DNAH1: variants seen among roughly 807,000 people sequenced by gnomAD.
DNAH1 encodes the protein axonemal beta dynein heavy chain 1.
DNAH1 carries 327 observed loss-of-function variants against 484.3 expected under a neutral mutation model. The ratio of observed to expected loss-of-function variants is 0.68; its 90% CI spans 0.62 to 0.74. DNAH1 has a LOEUF of 0.74. DNAH1 is among the 30% of genes least tolerant of loss of function. DNAH1 has a pLI of 0.00. For missense variants in DNAH1, 5,052 were observed against 5,546.8 expected, an observed-to-expected ratio of 0.91 and a Z score of 2.83; for synonymous variants, 2,192 against 2,191.9, an observed-to-expected ratio of 1.00 and a Z score of 0.00.
Position 52,396,516 on chromosome 3 carries a change from A to T in DNAH1, c.11408A>T (p.Asp3803Val). 6.2e-7 allele frequency: 1 copy of T among 1,611,366 alleles called. No homozygotes were observed. The highest frequency in any genetic ancestry group is 8.5e-7 in the Non-Finnish European group (1 of 1,178,866). ...AAGTCCTATAGTAGCCTTGGTGAAG[A>T]CTTCCTCAACTCCTGCCACAAGGTG... ...LLKSYSSLGE[D>V]FLNSCHKVME... Residue 3803 changes from aspartate to valine, a missense_variant, in exon 71 of 78, where the codon GAC (aspartate) becomes GTC (valine). Physicochemically the swap from Asp to Val is radical, Grantham distance 152. This residue lies in a region of DNAH1 where 853 missense variants were observed against 899.0 expected (regional missense o/e 0.95). Coordinates refer to ENST00000420323, the MANE Select transcript of DNAH1 (RefSeq NM_015512.5).
At chr3:52,384,427 T>C (rs1368341781) in intron 52 of DNAH1, among the ~76,000 whole-genome samples, 1 of 152,086 alleles carries the variant, frequency 6.6e-6, no homozygotes, top group African/African-American at 2.4e-5. Flanking sequence ...TCCCCCTAGA[T>C]CCAGCCTCTG....
rs893097929 is a variant in DNAH1 at position 52,362,857 on chromosome 3, A to G, written c.5095-138A>G. 6 of 1,192,358 alleles carry G rather than the reference A, an allele frequency of 5.0e-6. No homozygotes were observed. The highest frequency in any genetic ancestry group is 1.5e-5 in the African/African-American group (1 of 67,000). The allele number at this position is 1,192,358 out of a possible 1,614,324, so 73.9% of individuals were successfully genotyped here. A position where few individuals can be genotyped will look rare whatever the true frequency, so the allele number is the denominator to read the frequency against. On this transcript the variant is annotated intron_variant, in intron 31 of 77. Transcript: ENST00000420323. This position sits in a 1 kb window ranked among gnomAD's most constrained non-coding sequence, Gnocchi z 5.1. ...CTCTAATGGCAGAGCTACCAGTCTC[A>G]GGGGAGTGAAAGCCTCAGCTGTGGC...
chr3:52,342,887 G>A (rs1169784563), intron 8 of DNAH1, among the ~76,000 whole-genome samples: 1 of 152,244 alleles, frequency 6.6e-6, no homozygotes, highest in South Asian at 2.1e-4. Context: ...GCAGATAGGT[G>A]TGAGGGTTCT....
intron 45 of DNAH1, 58 bp downstream of exon 45, chr3:52,375,471 C>T: frequency 6.4e-7 from 1 of 1,565,814 alleles, no homozygotes; most frequent in Admixed American, 1.8e-5. Flanking sequence ...AGGGAGGCCA[C>T]ACCAAGGACA....
chr3:52,353,883 A>G lies in DNAH1; in HGVS notation c.3480+250A>G, dbSNP rs1407137928. On this transcript the variant is annotated intron_variant, in intron 20 of 77. Transcript: ENST00000420323. The surrounding 1 kb of genome is among the most constrained non-coding windows in gnomAD (Gnocchi z 5.0). ...AGAGCCCCAGGAAGGAGCTAATAGC[A>G]TTAGCCTCAATTTAACAGATGTGTC... The G allele has an allele frequency of 7.7e-6, 4 of 518,744 alleles. No individual in the cohort carries two copies. The highest frequency in any genetic ancestry group is 1.4e-5 in the Non-Finnish European group (4 of 290,904). 32.1% of individuals were successfully genotyped at this position (518,744 alleles called of 1,614,324 possible). A position where few individuals can be genotyped will look rare whatever the true frequency, so the allele number is the denominator to read the frequency against.
intron 44 of DNAH1, chr3:52,373,982 T>G (rs927109692): frequency 1.3e-5 from 15 of 1,164,300 alleles, no homozygotes; most frequent in Non-Finnish European, 1.8e-5. Flanking sequence ...TGAATTTTTC[T>G]TAAGATTTTT....
Position 52,368,995 on chromosome 3 carries a change from C to A in DNAH1, c.5943+77C>A. 6.5e-7 allele frequency: 1 copy of A among 1,530,772 alleles called. No homozygotes were observed. The highest frequency in any genetic ancestry group is 9.0e-7 in the Non-Finnish European group (1 of 1,116,236). The allele number at this position is 1,530,772 out of a possible 1,614,324, so 94.8% of individuals were successfully genotyped here. ...GAGGCTGCATCATGCTGGCCAAACT[C>A]TGCCCCCTCACCCCTTTCTCTCAGG... On this transcript the variant is annotated intron_variant, in intron 37 of 77. Transcript: ENST00000420323. This position sits in a 1 kb window ranked among gnomAD's most constrained non-coding sequence, Gnocchi z 4.4.
In DNAH1 at chr3:52,383,560, G is replaced by A; in HGVS notation, c.8116G>A (p.Val2706Met). The change falls in exon 51 of 78, where the codon GTG becomes ATG. Residue 2706 changes from valine to methionine, a missense_variant. Physicochemically the swap from Val to Met is conservative, Grantham distance 21 (BLOSUM62 1). Coordinates refer to ENST00000420323, the MANE Select transcript of DNAH1 (RefSeq NM_015512.5). ...ANLMAAYTGRVRSNIHMVLCM... is the reference protein window; with the variant it reads ...ANLMAAYTGRMRSNIHMVLCM... ...CCTCATGGCTGCTTACACAGGGCGTGTGCGCAGCAACATCCACATGGTGCT... is the reference window on the plus strand; with the variant it reads ...CCTCATGGCTGCTTACACAGGGCGTATGCGCAGCAACATCCACATGGTGCT... The A allele has an allele frequency of 6.2e-7, 1 of 1,607,194 alleles. No individual in the cohort carries two copies. The highest frequency in any genetic ancestry group is 8.5e-7 in the Non-Finnish European group (1 of 1,176,786).
Position 52,375,951 on chromosome 3 carries a change from C to G in DNAH1, c.7160-4C>G. 6.2e-7 allele frequency: 1 copy of G among 1,612,566 alleles called. No individual in the cohort carries two copies. The highest frequency in any genetic ancestry group is 1.1e-5 in the South Asian group (1 of 90,832). ...AGCCCCGTGTTTCTCCCTCCATCCT[C>G]TAGATGGACTCCTTGGAGAAAAAAG... On this transcript the variant is annotated splice_region_variant and splice_polypyrimidine_tract_variant and intron_variant, in intron 45 of 77. Coordinates refer to ENST00000420323, the MANE Select transcript of DNAH1 (RefSeq NM_015512.5).
In DNAH1 at chr3:52,361,523, A is replaced by G; in HGVS notation, c.4875-138A>G. 2.5e-6 allele frequency: 3 copies of G among 1,211,876 alleles called. No homozygotes were observed. The highest frequency in any genetic ancestry group is 2.6e-5 in the East Asian group (1 of 38,820). The allele number at this position is 1,211,876 out of a possible 1,614,324, so 75.1% of individuals were successfully genotyped here. On this transcript the variant is annotated intron_variant, in intron 29 of 77. Coordinates refer to ENST00000420323, the MANE Select transcript of DNAH1 (RefSeq NM_015512.5). This position sits in a 1 kb window ranked among gnomAD's most constrained non-coding sequence, Gnocchi z 5.6. ...TGGGGGCATTGGGGTGGGGAGTGGC[A>G]GTGGGTTGAAGACTGAGCTGATGGA...
At chr3:52,345,044 A>G (rs540105947) in intron 9 of DNAH1, among the ~76,000 whole-genome samples, 18 of 152,132 alleles carry the variant, frequency 1.2e-4, no homozygotes, top group South Asian at 4.1e-4. Flanking sequence ...CTTTCAGCTC[A>G]CCTGCCAGCC....
At chr3:52,397,559 G>A in intron 73 of DNAH1, 148 bp from the exon 74 acceptor site, 4 of 731,940 alleles carry the variant, frequency 5.5e-6, no homozygotes, top group Non-Finnish European at 8.7e-6. Context: ...GAGGCCTGGA[G>A]TCCCAAGAGC....
chr3:52,330,664 T>TCCTGC (rs541253528), intron 6 of DNAH1, among the ~76,000 whole-genome samples: 4,982 of 152,206 alleles, frequency 0.033, 119 homozygotes, highest in Non-Finnish European at 0.049. Context: ...AAAGAGCGGC[T>TCCTGC]CCTGCCCTGC....
upstream of DNAH1, among the ~76,000 whole-genome samples, chr3:52,313,999 G>A (rs952893742): frequency 1.3e-5 from 2 of 152,194 alleles, no homozygotes; most frequent in Non-Finnish European, 2.9e-5. Flanking sequence ...AGGTCAGGCT[G>A]GCAGTCTGGT....
Position 52,396,788 on chromosome 3 carries a change from C to A in DNAH1, c.11601C>A (p.Ile3867=). The part of the protein sequence containing the change: ...LKMFLDEYDD[I]PYKVLKYTAG... ...TGTTCCTGGACGAATATGATGACAT[C>A]CCCTACAAGGTGGGCCTGGGGCAGA... The change falls in exon 72 of 78, where the codon ATC becomes ATA. Residue 3867 remains isoleucine, a synonymous_variant. Transcript: ENST00000420323. 6.2e-7 allele frequency: 1 copy of A among 1,613,480 alleles called. No homozygotes were observed. Among genetic ancestry groups the A allele is most frequent in the Non-Finnish European group, 8.5e-7 (1 of 1,179,716 alleles).
Position 52,384,984 on chromosome 3 carries a change from C to T in DNAH1, c.8514+7C>T, listed in dbSNP as rs768883136. ...GAAGAGCGGCCTCGACAAGGTGGGC[C>T]CAGGCGAGTCCCCGTGGACAAGGTC... On this transcript the variant is annotated splice_region_variant and intron_variant, in intron 53 of 77. Transcript: ENST00000420323. 1 of 1,609,066 alleles carries T rather than the reference C, an allele frequency of 6.2e-7. No homozygotes were observed. The highest frequency in any genetic ancestry group is 2.2e-5 in the East Asian group (1 of 44,786).
Position 52,381,652 on chromosome 3 carries a change from A to T in DNAH1, c.7621A>T (p.Ile2541Leu). 1 of 1,606,606 alleles carries T rather than the reference A, an allele frequency of 6.2e-7. No homozygotes were observed. The highest frequency in any genetic ancestry group is 8.5e-7 in the Non-Finnish European group (1 of 1,176,506). The change falls in exon 49 of 78, where the codon ATA becomes TTA. Residue 2541 changes from isoleucine to leucine, a missense_variant. Coordinates refer to ENST00000420323, the MANE Select transcript of DNAH1 (RefSeq NM_015512.5). The surrounding 1 kb of genome is among the most constrained non-coding windows in gnomAD (Gnocchi z 4.1). The part of the protein sequence containing the change: ...ITSESKMMQV[I>L]EEYIEDYNQI... ...CCTTGGTGCACAGATGATGCAGGTG[A>T]TAGAGGAGTACATAGAGGACTACAA... is the stretch of plus-strand genomic sequence containing the variant.
At chr3:52,339,767 T>G (rs889170668) in intron 8 of DNAH1, among the ~76,000 whole-genome samples, 1 of 150,380 alleles carries the variant, frequency 6.6e-6, no homozygotes, top group South Asian at 2.1e-4. Flanking sequence ...TAGTTTTTTT[T>G]GTTTGTTTGT....
chr3:52,384,936 C>G lies in DNAH1; in HGVS notation c.8473C>G (p.Leu2825Val), dbSNP rs544854634. 1 of 1,613,636 alleles carries G rather than the reference C, an allele frequency of 6.2e-7. No individual in the cohort carries two copies. Among genetic ancestry groups the G allele is most frequent in the East Asian group, 2.2e-5 (1 of 44,882 alleles). ...SILIGQKKLE[L>V]KTAKNRMKSG... The stretch of plus-strand genomic sequence containing the variant: ...CCTCATCGGGCAGAAGAAACTGGAG[C>G]TGAAAACTGCCAAGAACCGCATGAA... Residue 2825 changes from leucine to valine, a missense_variant, in exon 53 of 78, where the codon CTG becomes GTG. Leu to Val is a conservative substitution (Grantham distance 32). Coordinates refer to ENST00000420323, the MANE Select transcript of DNAH1 (RefSeq NM_015512.5).
Sources: allele counts gnomAD v4.1 joint callset (sites outside exome capture counted in the v4.1 genomes callset), GRCh38; gene constraint gnomAD v4.1.1; regional missense constraint gnomAD v4.1.1; non-coding constraint Gnocchi (gnomAD v3.1); transcripts MANE v1.5; gene names NCBI Gene and HGNC (gene_info 2026-07-23, HGNC 2026-07-21).